The following PCDHGA10 variants were observed in gnomAD, a reference collection of about 807,000 sequenced individuals.
PCDHGA10 encodes the protein protocadherin gamma-A10.
PCDHGA10 carries 42 observed loss-of-function variants against 59.5 expected under a neutral mutation model. That is an observed-to-expected ratio of 0.71 (90% CI 0.55 to 0.91). The LOEUF (loss-of-function observed/expected upper bound fraction) is 0.91, where lower values mean the gene tolerates loss of function less well. PCDHGA10 is among the 40% of genes least tolerant of loss of function. PCDHGA10 has a pLI of 0.00. For synonymous variants in PCDHGA10, 511 were observed against 517.2 expected, an observed-to-expected ratio of 0.99 and a Z score of 0.16; for missense variants, 1,111 against 1,198.2, an observed-to-expected ratio of 0.93 and a Z score of 1.07.
Position 141,491,215 on chromosome 5 carries a change from A to G in PCDHGA10, c.2437-3592A>G, listed in dbSNP as rs546893944. 2.5e-6 allele frequency: 4 copies of G among 1,614,196 alleles called. No individual in the cohort carries two copies. Among genetic ancestry groups the G allele is most frequent in the Non-Finnish European group, 3.4e-6 (4 of 1,180,036 alleles). On this transcript the variant is annotated intron_variant, in intron 1 of 3. Coordinates refer to ENST00000398610, the MANE Select transcript of PCDHGA10 (RefSeq NM_018913.3). This position sits in a 1 kb window ranked among gnomAD's most constrained non-coding sequence, Gnocchi z 6.9. ...CAATGGTGACCCTTCACTCTCCTCC[A>G]CAGCCACAGTGCTGCTGGTTCTGGA...
At chr5:141,495,255 G>A (rs1055329757) in intron 2 of PCDHGA10, among the ~76,000 whole-genome samples, 5 of 152,212 alleles carry the variant, frequency 3.3e-5, no homozygotes, top group African/African-American at 1.2e-4. Flanking sequence ...GGCTCAGGCA[G>A]AAAAGCATTT....
chr5:141,424,655 TTTAA>T (rs1162406206), intron 1 of PCDHGA10: 3 of 152,238 alleles, frequency 2.0e-5, no homozygotes, highest in Non-Finnish European at 4.4e-5. Flanking sequence ...GTATTTGGAC[TTTAA>T]TTAAACTGAT....
intron 1 of PCDHGA10, among the ~76,000 whole-genome samples, chr5:141,453,065 G>A (rs1308047230): frequency 3.3e-5 from 5 of 151,960 alleles, no homozygotes; most frequent in African/African-American, 1.2e-4. Flanking sequence ...TTAGAGTTTT[G>A]CCACACTCTG....
At position 141,413,141 on chromosome 5, in the gene PCDHGA10, G is replaced by A; in HGVS notation, c.-35G>A. On this transcript the variant is annotated 5_prime_UTR_variant, in exon 1 of 4. It adds an upstream start codon to the 5' untranslated region. Transcript: ENST00000398610. ...CCGGTTGAAACACACAACGTGTCCA[G>A]TGAGGACTTTGCAGAATTCTGTAAC... The A allele has an allele frequency of 1.3e-6, 2 of 1,564,906 alleles. No individual in the cohort carries two copies. The highest frequency in any genetic ancestry group is 1.7e-6 in the Non-Finnish European group (2 of 1,155,384).
intron 1 of PCDHGA10, chr5:141,428,225 A>G (rs775012950): frequency 4.3e-6 from 5 of 1,156,574 alleles, no homozygotes; most frequent in Non-Finnish European, 6.3e-6. Flanking sequence ...GTCTTCGCAG[A>G]CAGCCTGCAG....
chr5:141,432,649 A>C lies in PCDHGA10; in HGVS notation c.2436+17038A>C, dbSNP rs769351399. The C allele has an allele frequency of 5.6e-6, 9 of 1,613,742 alleles. No individual in the cohort carries two copies. The highest frequency in any genetic ancestry group is 6.8e-6 in the Non-Finnish European group (8 of 1,179,918). ...ACACGGGCGAGGTGCGCACGGCGCG[A>C]GCCCTGCTGGACAGAGACGCGCTCA... is the stretch of plus-strand genomic sequence containing the variant. On this transcript the variant is annotated intron_variant, in intron 1 of 3. Transcript: ENST00000398610. This position sits in a 1 kb window ranked among gnomAD's most constrained non-coding sequence, Gnocchi z 6.0.
chr5:141,414,644 A>C lies in PCDHGA10; in HGVS notation c.1469A>C (p.Gln490Pro), dbSNP rs1310121141. 6.2e-7 allele frequency: 1 copy of C among 1,613,982 alleles called. No individual in the cohort carries two copies. Among genetic ancestry groups the C allele is most frequent in the Non-Finnish European group, 8.5e-7 (1 of 1,179,894 alleles). Reference protein sequence around the residue: ...ALDPDSKENAQIIYSLAEDTI... With the variant: ...ALDPDSKENAPIIYSLAEDTI... ...GACCCGGACAGCAAAGAGAATGCCC[A>C]GATTATTTACTCCCTGGCTGAAGAC... Residue 490 changes from glutamine to proline, a missense_variant, in exon 1 of 4, where the codon CAG becomes CCG. Transcript: ENST00000398610.
chr5:141,440,818 C>T (rs906112291), intron 1 of PCDHGA10: 2 of 152,124 alleles, frequency 1.3e-5, no homozygotes, highest in Non-Finnish European at 2.9e-5. Flanking sequence ...TCACTCAACT[C>T]CTGATCCTAT....
In PCDHGA10 at chr5:141,487,259, T is replaced by A. The variant is rs2099641960; in HGVS notation, c.2437-7548T>A. 1.9e-6 allele frequency: 3 copies of A among 1,614,014 alleles called. No individual in the cohort carries two copies. The highest frequency in any genetic ancestry group is 1.3e-5 in the African/African-American group (1 of 74,926). ...TCGTCTAACCCTCTACTTGGCTGTGTCCCTAGTGGCAATTTGCTTTGTCTC... is the reference window on the plus strand; with the variant it reads ...TCGTCTAACCCTCTACTTGGCTGTGACCCTAGTGGCAATTTGCTTTGTCTC... On this transcript the variant is annotated intron_variant, in intron 1 of 3. Coordinates refer to ENST00000398610, the MANE Select transcript of PCDHGA10 (RefSeq NM_018913.3). The surrounding 1 kb of genome is among the most constrained non-coding windows in gnomAD (Gnocchi z 5.0).
Position 141,413,926 on chromosome 5 carries a change from T to C in PCDHGA10, c.751T>C (p.Tyr251His). The part of the protein sequence containing the change: ...DNAPVFTLPE[Y>H]RVSVPENLPV... Reference sequence around the variant, plus strand: ...CGCGCCGGTCTTCACCTTGCCAGAATACCGAGTGAGTGTTCCTGAGAATTT... The same window carrying C: ...CGCGCCGGTCTTCACCTTGCCAGAACACCGAGTGAGTGTTCCTGAGAATTT... The change falls in exon 1 of 4, where the codon TAC becomes CAC. Residue 251 changes from tyrosine (Y) to histidine (H), a missense_variant. Coordinates refer to ENST00000398610, the MANE Select transcript of PCDHGA10 (RefSeq NM_018913.3). 2.5e-6 allele frequency: 4 copies of C among 1,613,380 alleles called. No homozygotes were observed. The highest frequency in any genetic ancestry group is 3.4e-6 in the Non-Finnish European group (4 of 1,179,880).
rs774898388 is a variant in PCDHGA10, at chr5:141,491,593, A to G, written c.2437-3214A>G. 6.8e-6 allele frequency: 11 copies of G among 1,613,918 alleles called. No individual in the cohort carries two copies. In the Admixed American group the frequency reaches 1.2e-4, roughly 17 times the overall value. Reference sequence around the variant, plus strand: ...GTGCTTTTCACCGGCCTCGGACGGCAGTGACTTCACTTTTCTAAGACCCCT... The same window carrying G: ...GTGCTTTTCACCGGCCTCGGACGGCGGTGACTTCACTTTTCTAAGACCCCT... On this transcript the variant is annotated intron_variant, in intron 1 of 3. Transcript: ENST00000398610. This position sits in a 1 kb window ranked among gnomAD's most constrained non-coding sequence, Gnocchi z 6.9.
rs71583649 is a variant in PCDHGA10, at chr5:141,491,361, C to A, written c.2437-3446C>A. On this transcript the variant is annotated intron_variant, in intron 1 of 3. Transcript: ENST00000398610. The surrounding 1 kb of genome is among the most constrained non-coding windows in gnomAD (Gnocchi z 6.9). The stretch of plus-strand genomic sequence containing the variant: ...CGACCGTCAGTCTCTTATCCCTAGT[C>A]ACCTTCACCTTTCTGTCAGCGAAGT... 1.0e-3 allele frequency: 1,614 copies of A among 1,614,132 alleles called. 5 individuals carry two copies. The highest frequency in any genetic ancestry group is 5.1e-3 in the Middle Eastern group (31 of 6,062).
intron 1 of PCDHGA10, chr5:141,484,931 A>G (rs940135310): frequency 1.4e-5 from 7 of 497,998 alleles, no homozygotes; most frequent in Non-Finnish European, 2.5e-5. Flanking sequence ...TGCTGTTGGG[A>G]CGTTCTCTGC....
chr5:141,446,043 A>T (rs1374577548), intron 1 of PCDHGA10, among the ~76,000 whole-genome samples: 2 of 152,226 alleles, frequency 1.3e-5, no homozygotes, highest in Non-Finnish European at 2.9e-5. Flanking sequence ...AAATGGAAGA[A>T]GAGCTGGCTT....
chr5:141,489,846 T>C lies in PCDHGA10; in HGVS notation c.2437-4961T>C. The C allele has an allele frequency of 6.2e-7, 1 of 1,614,190 alleles. No individual in the cohort carries two copies. The highest frequency in any genetic ancestry group is 1.1e-5 in the South Asian group (1 of 91,088). ...TGGTGCTAGAGCAGCAGCTGGATCG[T>C]GAAGCCCAGGCAAGACATCAGCTGG... is the stretch of plus-strand genomic sequence containing the variant. On this transcript the variant is annotated intron_variant, in intron 1 of 3. Coordinates refer to ENST00000398610, the MANE Select transcript of PCDHGA10 (RefSeq NM_018913.3). This position sits in a 1 kb window ranked among gnomAD's most constrained non-coding sequence, Gnocchi z 4.5.
Position 141,415,482 on chromosome 5 carries a change from G to C in PCDHGA10, c.2307G>C (p.Lys769Asn). 6.2e-7 allele frequency: 1 copy of C among 1,614,218 alleles called. No individual in the cohort carries two copies. Among genetic ancestry groups the C allele is most frequent in the Non-Finnish European group, 8.5e-7 (1 of 1,180,036 alleles). The change falls in exon 1 of 4, where the codon AAG becomes AAC. Residue 769 changes from lysine (K) to asparagine (N), a missense_variant. By Grantham distance (94) the Lys-to-Asn change is moderately conservative. Transcript: ENST00000398610. ...TCTCTCTCACCGCGGACTCGCGAAA[G>C]AGTCACCTGATCTTCCCCCAGCCCA... ...HEVSLTADSR[K>N]SHLIFPQPNY...
chr5:141,490,042 G>A lies in PCDHGA10; in HGVS notation c.2437-4765G>A. On this transcript the variant is annotated intron_variant, in intron 1 of 3. Transcript: ENST00000398610. This position sits in a 1 kb window ranked among gnomAD's most constrained non-coding sequence, Gnocchi z 5.4. ...TCTGCTGCTCCGCCTCAATGCCACT[G>A]ATCCAGACGAGGGCACCAACGGCCA... The A allele has an allele frequency of 6.2e-7, 1 of 1,614,266 alleles. No homozygotes were observed. Among genetic ancestry groups the A allele is most frequent in the Non-Finnish European group, 8.5e-7 (1 of 1,180,038 alleles).
chr5:141,476,055 GT>G lies in PCDHGA10; in HGVS notation c.2437-18749del. 6.7e-7 allele frequency: 1 copy of G among 1,503,516 alleles called. No homozygotes were observed. Among genetic ancestry groups the G allele is most frequent in the South Asian group, 1.3e-5 (1 of 75,386 alleles). The allele number at this position is 1,503,516 out of a possible 1,614,324, so 93.1% of individuals were successfully genotyped here. ...GCGCCCAAGCGCTAACCCGCTGAAA[GT>G]TTCTCAGCGAAATCTCAGGGACGAT... On this transcript the variant is annotated intron_variant, in intron 1 of 3. Transcript: ENST00000398610. The surrounding 1 kb of genome is among the most constrained non-coding windows in gnomAD (Gnocchi z 7.6).
At chr5:141,460,043 A>G (rs527752346) in intron 1 of PCDHGA10, among the ~76,000 whole-genome samples, 1 of 152,276 alleles carries the variant, frequency 6.6e-6, no homozygotes, top group South Asian at 2.1e-4. Context: ...GCACCACTGC[A>G]CTCCAGCCTG....
Sources: gnomAD v4.1 joint callset for allele counts (sites outside exome capture counted in the v4.1 genomes callset) on GRCh38, gnomAD v4.1.1 for gene constraint, Gnocchi (gnomAD v3.1) non-coding constraint, MANE v1.5 for transcripts, NCBI Gene and HGNC (gene_info 2026-07-23, HGNC 2026-07-21) for gene names.